The following PPT1 variants were observed in gnomAD, a reference collection of about 807,000 sequenced individuals.
PPT1 encodes the protein ceroid-palmitoyl-palmitoyl-protein thioesterase 1.
A neutral mutation model predicts 44.0 loss-of-function variants in PPT1; 24 were observed. That is an observed-to-expected ratio of 0.54 (90% CI 0.39 to 0.77). The LOEUF (loss-of-function observed/expected upper bound fraction) is 0.77. PPT1 is among the 30% of genes least tolerant of loss of function. The pLI is 0.00. For synonymous variants in PPT1, 148 were observed against 140.2 expected, an observed-to-expected ratio of 1.06 and a Z score of -0.39; for missense variants, 341 against 378.8, an observed-to-expected ratio of 0.90 and a Z score of 0.83.
intron 1 of PPT1, among the ~76,000 whole-genome samples, chr1:40,096,129 G>C (rs771734243): frequency 6.9e-6 from 1 of 144,952 alleles, no homozygotes; most frequent in Non-Finnish European, 1.5e-5. Flanking sequence ...ATCTACCTCA[G>C]TTTTGTACTC....
chr1:40,080,658 G>A (rs1268847272), intron 5 of PPT1, among the ~76,000 whole-genome samples, 171 bp from the exon 6 acceptor site: 1 of 151,936 alleles, frequency 6.6e-6, no homozygotes, highest in Non-Finnish European at 1.5e-5. Flanking sequence ...GGTGGATCAC[G>A]AGGTCAGGAG....
At chr1:40,083,608 A>G (rs929018593) in intron 5 of PPT1, among the ~76,000 whole-genome samples, 11 of 152,208 alleles carry the variant, frequency 7.2e-5, no homozygotes, top group African/African-American at 2.7e-4. Context: ...CAGCACATCC[A>G]TTCTACAGCC....
chr1:40,077,797 T>C (rs777711012), intron 7 of PPT1, among the ~76,000 whole-genome samples: 1 of 151,946 alleles, frequency 6.6e-6, no homozygotes, highest in Non-Finnish European at 1.5e-5. Context: ...CAGAAATATA[T>C]GAACCAAGGC....
chr1:40,074,430 G>T (rs3131663), intron 8 of PPT1, among the ~76,000 whole-genome samples: 2 of 126,360 alleles, frequency 1.6e-5, no homozygotes, highest in Non-Finnish European at 3.2e-5. Context: ...TGTCCCCCCC[G>T]CTTCTTCTTC....
chr1:40,084,002 G>A lies in PPT1; in HGVS notation c.537-3515C>T, dbSNP rs937869721. On this transcript the variant is annotated intron_variant, in intron 5 of 8. Coordinates refer to ENST00000642050, the MANE Select transcript of PPT1 (RefSeq NM_000310.4). ...GGTTGAGGCTATGTTGCAGTAAGCTGTAATGGCACCACTGCACTCCAACTT... is the reference window on the plus strand; with the variant it reads ...GGTTGAGGCTATGTTGCAGTAAGCTATAATGGCACCACTGCACTCCAACTT... Among the ~76,000 whole-genome samples, 7 of 152,166 alleles carry A rather than the reference G, an allele frequency of 4.6e-5. No homozygotes were observed. The South Asian group carries it at 1.0e-3, about 23-fold the overall frequency.
At chr1:40,093,940 C>T (rs1649709973) in intron 1 of PPT1, 2 of 714,736 alleles carry the variant, frequency 2.8e-6, no homozygotes, top group Admixed American at 4.0e-5. Context: ...TACCTATCAT[C>T]CCAGCGCTTT....
intron 3 of PPT1, among the ~76,000 whole-genome samples, 189 bp from the exon 4 acceptor site, chr1:40,091,588 G>T (rs1008987482): frequency 1.3e-5 from 2 of 152,174 alleles, no homozygotes; most frequent in African/African-American, 4.8e-5. Flanking sequence ...CTCCAGCCAG[G>T]CATGGTGGCT....
intron 3 of PPT1, 36 bp from the exon 4 acceptor site, chr1:40,091,435 A>C (rs1649558646): frequency 6.5e-7 from 1 of 1,546,202 alleles, no homozygotes. Flanking sequence ...TCCGACTGTC[A>C]GATGGAAATG....
At chr1:40,072,278 TG>T (rs1648210279), downstream of PPT1, 1 of 377,912 alleles carries the variant, frequency 2.6e-6, no homozygotes. Context: ...AAAACCCACA[TG>T]ATTTCAAGGA....
intron 4 of PPT1, 197 bp from the exon 5 acceptor site, chr1:40,089,709 AGGAT>A: frequency 1.5e-6 from 1 of 658,222 alleles, no homozygotes; most frequent in South Asian, 1.5e-5. Context: ...TTCCTGCCTA[AGGAT>A]CTTTTTACCT....
intron 5 of PPT1, among the ~76,000 whole-genome samples, chr1:40,084,225 G>C (rs2086773543): frequency 6.6e-6 from 1 of 152,192 alleles, no homozygotes; most frequent in Non-Finnish European, 1.5e-5. Flanking sequence ...ATTAGAAGTG[G>C]AACCTGACGA....
intron 7 of PPT1, among the ~76,000 whole-genome samples, chr1:40,078,043 T>C (rs1385238702): frequency 6.6e-6 from 1 of 152,156 alleles, no homozygotes; most frequent in Non-Finnish European, 1.5e-5. Flanking sequence ...AATTACATAA[T>C]TTTGCATAGA....
At chr1:40,095,394 GC>G (rs1357476633) in intron 1 of PPT1, among the ~76,000 whole-genome samples, 2 of 152,022 alleles carry the variant, frequency 1.3e-5, no homozygotes, top group African/African-American at 4.8e-5. Context: ...CTAGCTGTAT[GC>G]CGAAGACTCC....
At chr1:40,087,044 C>T (rs538525406) in intron 5 of PPT1, among the ~76,000 whole-genome samples, 10 of 151,980 alleles carry the variant, frequency 6.6e-5, no homozygotes, top group Non-Finnish European at 1.5e-4. Flanking sequence ...ATCTGCTCTG[C>T]TAAAACAGTT....
At chr1:40,080,657 C>T (rs1430911662) in intron 5 of PPT1, among the ~76,000 whole-genome samples, 170 bp from the exon 6 acceptor site, 4 of 152,014 alleles carry the variant, frequency 2.6e-5, no homozygotes, top group South Asian at 2.1e-4. Context: ...AGGTGGATCA[C>T]GAGGTCAGGA....
downstream of PPT1, chr1:40,072,047 C>G (rs1648136718): frequency 2.5e-6 from 1 of 403,472 alleles, no homozygotes; most frequent in Non-Finnish European, 4.4e-6. Flanking sequence ...GCTTGGCCAT[C>G]TAGCATTCCA....
intron 1 of PPT1, 42 bp downstream of exon 1, chr1:40,097,073 A>G: frequency 6.2e-7 from 1 of 1,613,934 alleles, no homozygotes; most frequent in Non-Finnish European, 8.5e-7. Context: ...GGCTAGGAAG[A>G]GAGAGAATCG....
At chr1:40,078,492 G>A (rs888684920) in intron 7 of PPT1, 68 bp downstream of exon 7, 58 of 1,480,588 alleles carry the variant, frequency 3.9e-5, no homozygotes, top group Non-Finnish European at 4.9e-5. Context: ...ATGAGCCACC[G>A]TGCCCGGCCA....
At chr1:40,096,926 T>C (rs1649887561) in intron 1 of PPT1, 189 bp downstream of exon 1, 2 of 1,011,044 alleles carry the variant, frequency 2.0e-6, no homozygotes, top group African/African-American at 1.6e-5. Flanking sequence ...CCCTTCTCTC[T>C]TTCCAGTGAA....
Sources: gnomAD v4.1 joint callset for allele counts (sites outside exome capture counted in the v4.1 genomes callset) on GRCh38, gnomAD v4.1.1 for gene constraint, MANE v1.5 for transcripts, NCBI Gene and HGNC (gene_info 2026-07-23, HGNC 2026-07-21) for gene names.